The following MAN1A1 variants were observed in gnomAD, a reference collection of about 807,000 sequenced individuals.
The protein encoded by MAN1A1 is mannosyl-oligosaccharide 1,2-alpha-mannosidase IA.
Under a neutral mutation model 70.8 loss-of-function variants are expected in MAN1A1, and 29 were observed. That is an observed-to-expected ratio of 0.41 (90% confidence interval 0.31 to 0.56). MAN1A1 has a LOEUF of 0.56. Ranked by LOEUF, MAN1A1 falls within the 20% of genes least tolerant of loss-of-function variation. The probability of loss-of-function intolerance (pLI) is 0.29; values close to 1 mark genes in which losing one functional copy is unlikely to be tolerated. For missense variants in MAN1A1, 747 were observed against 841.3 expected, an observed-to-expected ratio of 0.89 and a Z score of 1.39; for synonymous variants, 349 against 330.1, an observed-to-expected ratio of 1.06 and a Z score of -0.62.
At chr6:119,261,194 T>C (rs1030777108) in intron 5 of MAN1A1, among the ~76,000 whole-genome samples, 1 of 151,988 alleles carries the variant, frequency 6.6e-6, no homozygotes, top group Non-Finnish European at 1.5e-5. Flanking sequence ...TTGGCCAGGA[T>C]GGTCTCGATC....
At chr6:119,275,494 G>A (rs1339941728) in intron 5 of MAN1A1, among the ~76,000 whole-genome samples, 10 of 148,028 alleles carry the variant, frequency 6.8e-5, no homozygotes, top group Admixed American at 6.7e-4. Flanking sequence ...TTTTAGTAGA[G>A]ACGGGGTTTC....
chr6:119,179,869 G>T lies in MAN1A1; in HGVS notation c.1912C>A (p.Leu638Ile). Residue 638 changes from leucine (L) to isoleucine (I), a missense_variant, in exon 13 of 13, where the codon CTC (leucine) becomes ATC (isoleucine). By Grantham distance (5) the Leu-to-Ile change is conservative (BLOSUM62 2). Coordinates refer to ENST00000368468, the MANE Select transcript of MAN1A1 (RefSeq NM_005907.4). The stretch of plus-strand genomic sequence containing the variant: ...TTTTTATCTTTAGGGAGGATAGGGA[G>T]AAGATGTGCCTCGCTATTGAAGATC... ...HWIFNSEAHL[L>I]PILPKDKKEV... The T allele has an allele frequency of 6.2e-7, 1 of 1,613,196 alleles. No individual in the cohort carries two copies. The highest frequency in any genetic ancestry group is 8.5e-7 in the Non-Finnish European group (1 of 1,179,182).
chr6:119,182,407 G>A (rs189927357), intron 11 of MAN1A1, among the ~76,000 whole-genome samples: 6 of 151,940 alleles, frequency 3.9e-5, no homozygotes, highest in Admixed American at 1.3e-4. Context: ...TTTTTGGGTC[G>A]AATCCAAAAA....
chr6:119,240,993 C>T (rs1278024263), intron 6 of MAN1A1, among the ~76,000 whole-genome samples: 3 of 152,106 alleles, frequency 2.0e-5, no homozygotes, highest in Admixed American at 2.0e-4. Flanking sequence ...AGGTTACCAG[C>T]TGTTTATAGT....
intron 6 of MAN1A1, among the ~76,000 whole-genome samples, chr6:119,240,606 A>G (rs564813142): frequency 9.8e-5 from 15 of 152,332 alleles, no homozygotes; most frequent in African/African-American, 3.4e-4. Flanking sequence ...TGACCAGAGA[A>G]GTGGGAAGAA....
intron 5 of MAN1A1, among the ~76,000 whole-genome samples, chr6:119,274,768 T>C (rs1776008748): frequency 6.6e-6 from 1 of 152,338 alleles, no homozygotes; most frequent in East Asian, 1.9e-4. Flanking sequence ...TGAAATCACA[T>C]GGCTGTCTTT....
At chr6:119,219,076 T>C (rs1469902366) in intron 6 of MAN1A1, among the ~76,000 whole-genome samples, 1 of 152,172 alleles carries the variant, frequency 6.6e-6, no homozygotes, top group Admixed American at 6.5e-5. Context: ...AAAGCTGCAG[T>C]TTCAAAGAAC....
Position 119,326,018 on chromosome 6 carries a change from G to A in MAN1A1, c.604-19026C>T, listed in dbSNP as rs970305400. On this transcript the variant is annotated intron_variant, in intron 2 of 12. Transcript: ENST00000368468. ...GAACATAAATCACAGCAACAGACCT[G>A]TTGTTAGGTCCAGGGTCAGGTTCCA... Among the ~76,000 whole-genome samples the A allele has an allele frequency of 1.1e-4, 17 of 152,208 alleles. 1 individual carries two copies. The highest frequency in any genetic ancestry group is 3.9e-4 in the African/African-American group (16 of 41,454).
chr6:119,322,842 G>A (rs901880678), intron 2 of MAN1A1, among the ~76,000 whole-genome samples: 4 of 152,176 alleles, frequency 2.6e-5, no homozygotes, highest in Non-Finnish European at 4.4e-5. Context: ...AAAGTAGAAG[G>A]AAGGCCTTAA....
At chr6:119,285,372 T>C (rs1422689522) in intron 5 of MAN1A1, among the ~76,000 whole-genome samples, 1 of 152,094 alleles carries the variant, frequency 6.6e-6, no homozygotes, top group Non-Finnish European at 1.5e-5. Context: ...ATAAGGGATC[T>C]GGCCCCATGA....
chr6:119,332,015 A>T (rs139084641), intron 2 of MAN1A1: 1 of 489,338 alleles, frequency 2.0e-6, no homozygotes, highest in Non-Finnish European at 4.1e-6. Flanking sequence ...CTATGTATAA[A>T]ATGAGGAGAA....
At chr6:119,288,157 T>C (rs2038769) in intron 5 of MAN1A1, among the ~76,000 whole-genome samples, 57,350 of 151,722 alleles carry the variant, frequency 0.38, 11,313 homozygotes, top group Non-Finnish European at 0.41. Flanking sequence ...CACAAATCAG[T>C]AGTACTTCTT....
intron 2 of MAN1A1, among the ~76,000 whole-genome samples, chr6:119,341,209 G>A (rs1366832173): frequency 6.6e-6 from 1 of 151,916 alleles, no homozygotes; most frequent in African/African-American, 2.4e-5. Context: ...AGTGGGGGCG[G>A]GGCACTGCTG....
At chr6:119,184,795 A>C (rs554087750) in intron 11 of MAN1A1, among the ~76,000 whole-genome samples, 1 of 152,286 alleles carries the variant, frequency 6.6e-6, no homozygotes, top group South Asian at 2.1e-4. Flanking sequence ...GACATTATAT[A>C]ATCTATGTGA....
intron 7 of MAN1A1, among the ~76,000 whole-genome samples, chr6:119,202,628 A>G (rs561503579): frequency 6.6e-6 from 1 of 152,306 alleles, no homozygotes; most frequent in Non-Finnish European, 1.5e-5. Context: ...TGCCATCACC[A>G]CCACAAACAT....
chr6:119,247,174 T>A (rs970634220), intron 6 of MAN1A1, among the ~76,000 whole-genome samples: 6 of 152,234 alleles, frequency 3.9e-5, no homozygotes, highest in African/African-American at 1.4e-4. Flanking sequence ...TAGGAAGAAA[T>A]GTGCATTAAT....
chr6:119,238,914 G>A (rs978874429), intron 6 of MAN1A1, among the ~76,000 whole-genome samples: 3 of 151,736 alleles, frequency 2.0e-5, no homozygotes, highest in Non-Finnish European at 4.4e-5. Flanking sequence ...TTTTTGAGAC[G>A]GAGTGTTGTT....
intron 5 of MAN1A1, among the ~76,000 whole-genome samples, chr6:119,249,953 T>A (rs141144774): frequency 6.6e-6 from 1 of 152,150 alleles, no homozygotes; most frequent in African/African-American, 2.4e-5. Flanking sequence ...TGTATACAAA[T>A]AAGGAAATAC....
chr6:119,190,411 T>C (rs1336460425), intron 9 of MAN1A1, among the ~76,000 whole-genome samples: 1 of 152,224 alleles, frequency 6.6e-6, no homozygotes, highest in East Asian at 1.9e-4. Flanking sequence ...ATTCCAGCTC[T>C]GACACTATCT....
Sources: allele counts gnomAD v4.1 joint callset (sites outside exome capture counted in the v4.1 genomes callset), GRCh38; gene constraint gnomAD v4.1.1; transcripts MANE v1.5; gene names NCBI Gene and HGNC (gene_info 2026-07-23, HGNC 2026-07-21).